FRMD5: variants seen among roughly 807,000 people sequenced by gnomAD.
FRMD5 encodes FERM domain-containing protein 5.
Under a neutral mutation model 69.0 loss-of-function variants are expected in FRMD5, and 20 were observed. That is an observed-to-expected ratio of 0.29 (90% confidence interval 0.20 to 0.42). FRMD5 has a LOEUF of 0.42. Ranked by LOEUF, FRMD5 falls within the 10% of genes least tolerant of loss-of-function variation. The pLI is 1.00. For synonymous variants in FRMD5, 271 were observed against 260.1 expected, an observed-to-expected ratio of 1.04 and a Z score of -0.40; for missense variants, 595 against 708.6, an observed-to-expected ratio of 0.84 and a Z score of 1.82.
chr15:44,183,769 G>A (rs1341671901), intron 1 of FRMD5, among the ~76,000 whole-genome samples: 2 of 152,030 alleles, frequency 1.3e-5, no homozygotes, highest in African/African-American at 4.8e-5. Flanking sequence ...ATCACCTTAG[G>A]TCAGGAGTTC....
intron 1 of FRMD5, among the ~76,000 whole-genome samples, chr15:43,935,705 G>T (rs1299743301): frequency 6.6e-6 from 1 of 152,122 alleles, no homozygotes; most frequent in Non-Finnish European, 1.5e-5. Context: ...GGGGTGAGTG[G>T]AGGGGAGGCA....
At position 44,195,097 on chromosome 15, in the gene FRMD5, A is replaced by ACCCTGGACCAGGCGT; in HGVS notation, c.-58_-44dup. ...CGGGAGCGACGCGGCGGCGCTGCGG[A>ACCCTGGACCAGGCGT]CCCTGGACCAGGCGTCCCTCAGCCC... On this transcript the variant is annotated 5_prime_UTR_variant, in exon 1 of 14. Transcript: ENST00000417257. 8.2e-7 allele frequency: 1 copy of ACCCTGGACCAGGCGT among 1,219,728 alleles called. No individual in the cohort carries two copies. The highest frequency in any genetic ancestry group is 1.1e-6 in the Non-Finnish European group (1 of 948,940). 75.6% of individuals were successfully genotyped at this position (1,219,728 alleles called of 1,614,324 possible).
At chr15:44,157,693 CTTTAAG>C (rs2077550028) in intron 1 of FRMD5, among the ~76,000 whole-genome samples, 1 of 152,132 alleles carries the variant, frequency 6.6e-6, no homozygotes, top group South Asian at 2.1e-4. Flanking sequence ...TCTGATTTCA[CTTTAAG>C]TTTGTCTCAC....
intron 1 of FRMD5, among the ~76,000 whole-genome samples, chr15:44,088,868 T>C (rs1894314014): frequency 1.3e-5 from 2 of 152,164 alleles, no homozygotes; most frequent in South Asian, 4.2e-4. Context: ...CTGAACCCTG[T>C]TCAGTCTGAC....
rs146053177 is a variant in FRMD5 at position 44,022,434 on chromosome 15, C to T, written c.103-98125G>A. 1.1e-4 allele frequency among the ~76,000 whole-genome samples: 16 copies of T among 150,482 alleles called. No individual in the cohort carries two copies. The East Asian group carries it at 2.3e-3, about 22-fold the overall frequency. ...AAAAAACATACGAAAATTAGTTGGG[C>T]GTGGTGGCATGTACCTGTAATCTCA... On this transcript the variant is annotated intron_variant, in intron 1 of 13. Transcript: ENST00000417257.
chr15:44,051,520 C>T (rs1166773055), intron 1 of FRMD5, among the ~76,000 whole-genome samples: 1 of 151,870 alleles, frequency 6.6e-6, no homozygotes, highest in Non-Finnish European at 1.5e-5. Context: ...TAACATCTTA[C>T]ATTAGTACAG....
chr15:43,930,331 T>A (rs2089652934), intron 1 of FRMD5, among the ~76,000 whole-genome samples: 1 of 152,336 alleles, frequency 6.6e-6, no homozygotes, highest in East Asian at 1.9e-4. Flanking sequence ...CTGCAAGCAA[T>A]ACTCTCTTGA....
chr15:44,017,960 TTA>T (rs1891046382), intron 1 of FRMD5, among the ~76,000 whole-genome samples: 1 of 152,208 alleles, frequency 6.6e-6, no homozygotes, highest in Admixed American at 6.5e-5. Flanking sequence ...AGCTAATTTT[TTA>T]TATTAGCCTA....
At chr15:44,020,141 T>A (rs1378589311) in intron 1 of FRMD5, among the ~76,000 whole-genome samples, 6 of 152,184 alleles carry the variant, frequency 3.9e-5, no homozygotes, top group African/African-American at 1.4e-4. Flanking sequence ...CATATCTTTT[T>A]TTTTTCTTTT....
In FRMD5 at chr15:43,874,545, T is replaced by C. The variant is rs2088271824; in HGVS notation, c.1136-83A>G. 10 of 1,003,266 alleles carry C rather than the reference T, an allele frequency of 1.0e-5. No individual in the cohort carries two copies. In the Admixed American group the frequency reaches 1.6e-4, roughly 16 times the overall value. The allele number at this position is 1,003,266 out of a possible 1,614,324, so 62.1% of individuals were successfully genotyped here. On this transcript the variant is annotated intron_variant, in intron 13 of 13. Transcript: ENST00000417257. Reference sequence around the variant, plus strand: ...GTAGCACCCATTGTGTTTTATTGGGTACCATTCTGCACACCCACATGACCA... The same window carrying C: ...GTAGCACCCATTGTGTTTTATTGGGCACCATTCTGCACACCCACATGACCA...
chr15:44,101,148 C>CAA (rs367870738), intron 1 of FRMD5, among the ~76,000 whole-genome samples: 2 of 95,368 alleles, frequency 2.1e-5, no homozygotes, highest in Non-Finnish European at 2.2e-5. Context: ...TACTCCATCT[C>CAA]AAAAAAAAAA....
chr15:43,989,822 G>C lies in FRMD5; in HGVS notation c.103-65513C>G, dbSNP rs1267559218. The C allele has an allele frequency of 2.9e-6, 3 of 1,030,580 alleles. No individual in the cohort carries two copies. In the African/African-American group the frequency reaches 4.7e-5, roughly 16 times the overall value. 63.8% of individuals were successfully genotyped at this position (1,030,580 alleles called of 1,614,324 possible). On this transcript the variant is annotated intron_variant, in intron 1 of 13. Coordinates refer to ENST00000417257, the MANE Select transcript of FRMD5 (RefSeq NM_032892.5). ...CTGTCGAAGATCTCCAACATGATCTGGGTCATCTTCTTGTGGTTGGCCTTG... is the reference window on the plus strand; with the variant it reads ...CTGTCGAAGATCTCCAACATGATCTCGGTCATCTTCTTGTGGTTGGCCTTG...
intron 4 of FRMD5, among the ~76,000 whole-genome samples, chr15:43,917,330 C>T (rs934109772): frequency 9.9e-5 from 15 of 152,148 alleles, no homozygotes; most frequent in Non-Finnish European, 2.2e-4. Context: ...AAGTTCAGAG[C>T]TAAGGCAAAC....
chr15:43,906,030 C>T, intron 5 of FRMD5, 79 bp from the exon 6 acceptor site: 2 of 1,578,810 alleles, frequency 1.3e-6, no homozygotes, highest in Non-Finnish European at 1.7e-6. Flanking sequence ...GATTAGCACA[C>T]AGAGCAAAAG....
intron 1 of FRMD5, among the ~76,000 whole-genome samples, chr15:44,024,286 G>A (rs749718467): frequency 3.4e-4 from 52 of 151,638 alleles, no homozygotes; most frequent in Non-Finnish European, 4.7e-4. Context: ...CATAATATTG[G>A]CACTAAACAT....
chr15:44,041,363 C>G (rs1317684934), intron 1 of FRMD5, among the ~76,000 whole-genome samples: 7 of 152,136 alleles, frequency 4.6e-5, no homozygotes, highest in Non-Finnish European at 1.0e-4. Flanking sequence ...ACAGAACTCT[C>G]TACCCCAAAT....
At chr15:43,914,723 CTTTTT>C (rs533023960) in intron 4 of FRMD5, among the ~76,000 whole-genome samples, 4 of 109,414 alleles carry the variant, frequency 3.7e-5, no homozygotes, top group African/African-American at 1.1e-4. Context: ...AGGTGACTAC[CTTTTT>C]TTTTTTTTTT....
intron 1 of FRMD5, among the ~76,000 whole-genome samples, chr15:43,957,061 C>T (rs1027633951): frequency 5.9e-5 from 9 of 152,150 alleles, no homozygotes; most frequent in South Asian, 2.1e-4. Context: ...ATTTATATAA[C>T]GTTTTATAAT....
rs1455528212 is a variant in FRMD5, at chr15:44,158,331, T to C, written c.102+36622A>G. 2.6e-5 allele frequency among the ~76,000 whole-genome samples: 4 copies of C among 152,312 alleles called. No homozygotes were observed. The East Asian group carries it at 7.7e-4, about 29-fold the overall frequency. ...TAGAACAGAAGGGAGAAAAAAATTG[T>C]TGTGACCTTAAGCCCTGTCTAGTAC... is the stretch of plus-strand genomic sequence containing the variant. On this transcript the variant is annotated intron_variant, in intron 1 of 13. Transcript: ENST00000417257.
Sources: allele counts gnomAD v4.1 joint callset (sites outside exome capture counted in the v4.1 genomes callset), GRCh38; gene constraint gnomAD v4.1.1; transcripts MANE v1.5; gene names NCBI Gene and HGNC (gene_info 2026-07-23, HGNC 2026-07-21).